The following USP46 variants were observed in gnomAD, a reference collection of about 807,000 sequenced individuals.
USP46 encodes the protein ubiquitin carboxyl-terminal hydrolase 46.
In USP46, 12 loss-of-function variants were observed where a neutral mutation model predicts 44.4. The observed-to-expected ratio is 0.27, with a 90% CI of 0.17 to 0.44. The LOEUF (loss-of-function observed/expected upper bound fraction) is 0.44, where lower values mean the gene tolerates loss of function less well. Ranked by LOEUF, USP46 falls within the 20% of genes least tolerant of loss-of-function variation. The probability of loss-of-function intolerance (pLI) is 1.00; values close to 1 mark genes in which losing one functional copy is unlikely to be tolerated. For missense variants in USP46, 248 were observed against 444.8 expected, an observed-to-expected ratio of 0.56 and a Z score of 3.98; for synonymous variants, 155 against 161.5, an observed-to-expected ratio of 0.96 and a Z score of 0.31.
chr4:52,605,495 G>C (rs1716651853), intron 5 of USP46, among the ~76,000 whole-genome samples: 1 of 152,164 alleles, frequency 6.6e-6, no homozygotes, highest in Admixed American at 6.5e-5. Flanking sequence ...ATAATGACCA[G>C]ATTTTATTAA....
Position 52,592,653 on chromosome 4 carries a change from A to C in USP46, c.*4987T>G. 1 of 361,348 alleles carries C rather than the reference A, an allele frequency of 2.8e-6. No individual in the cohort carries two copies. Among genetic ancestry groups the C allele is most frequent in the Middle Eastern group, 7.2e-4 (1 of 1,394 alleles). 22.4% of individuals were successfully genotyped at this position (361,348 alleles called of 1,614,324 possible). A position where few individuals can be genotyped will look rare whatever the true frequency, so the allele number is the denominator to read the frequency against. Reference sequence around the variant, plus strand: ...CAGGAGTTCCAGACCAGCTTGGCCAATATGAGAAAACTTTGTATCTACTGA... The same window carrying C: ...CAGGAGTTCCAGACCAGCTTGGCCACTATGAGAAAACTTTGTATCTACTGA... On this transcript the variant is annotated 3_prime_UTR_variant, in exon 9 of 9. Transcript: ENST00000441222.
At chr4:52,611,683 T>C (rs1271256738) in intron 4 of USP46, among the ~76,000 whole-genome samples, 1 of 152,040 alleles carries the variant, frequency 6.6e-6, no homozygotes, top group Non-Finnish European at 1.5e-5. Flanking sequence ...GGTCAGGAGT[T>C]CAAGACCAGC....
At chr4:52,640,287 C>T (rs748117863) in intron 1 of USP46, among the ~76,000 whole-genome samples, 8 of 152,032 alleles carry the variant, frequency 5.3e-5, no homozygotes, top group Non-Finnish European at 8.8e-5. Flanking sequence ...CTGAGCCCTG[C>T]GACGTGCCTG....
At position 52,597,593 on chromosome 4, in the gene USP46, T is replaced by C. The variant is rs149210559; in HGVS notation, c.*47A>G. ...AGCCTGCGGAGAAGCCGGGTGACAGTGCTGTGAACATTCTCCCCACGTGAA... is the reference window on the plus strand; with the variant it reads ...AGCCTGCGGAGAAGCCGGGTGACAGCGCTGTGAACATTCTCCCCACGTGAA... On this transcript the variant is annotated 3_prime_UTR_variant, in exon 9 of 9. Coordinates refer to ENST00000441222, the MANE Select transcript of USP46 (RefSeq NM_022832.4). 1.9e-3 allele frequency: 2,521 copies of C among 1,343,120 alleles called. 37 individuals are homozygous for C. The African/African-American group carries it at 0.032, about 17-fold the overall frequency. 83.2% of individuals were successfully genotyped at this position (1,343,120 alleles called of 1,614,324 possible). A position where few individuals can be genotyped will look rare whatever the true frequency, so the allele number is the denominator to read the frequency against.
chr4:52,607,558 T>C (rs984345320), intron 5 of USP46, among the ~76,000 whole-genome samples: 1 of 152,200 alleles, frequency 6.6e-6, no homozygotes. Flanking sequence ...GGGCTTGATA[T>C]AGTTTGGATC....
intron 4 of USP46, among the ~76,000 whole-genome samples, chr4:52,615,353 G>A (rs992787654): frequency 6.6e-6 from 1 of 152,060 alleles, no homozygotes; most frequent in Admixed American, 6.6e-5. Context: ...CATACTATGC[G>A]AAGAGTTAGC....
At chr4:52,657,406 C>T (rs1359242929) in intron 1 of USP46, among the ~76,000 whole-genome samples, 1 of 152,102 alleles carries the variant, frequency 6.6e-6, no homozygotes, top group East Asian at 1.9e-4. Context: ...GGGCTGGCTT[C>T]CTCTAGGGGC....
intron 2 of USP46, 84 bp from the exon 3 acceptor site, chr4:52,628,247 C>G: frequency 7.2e-7 from 1 of 1,397,272 alleles, no homozygotes; most frequent in South Asian, 1.3e-5. Flanking sequence ...GAGAAGGTCC[C>G]TGCTCCGTGA....
chr4:52,600,538 G>T (rs73248660), intron 7 of USP46, among the ~76,000 whole-genome samples: 11,002 of 152,160 alleles, frequency 0.072, 528 homozygotes, highest in Non-Finnish European at 0.11. Context: ...TCACATTACA[G>T]AAACTGACCT....
intron 4 of USP46, among the ~76,000 whole-genome samples, chr4:52,622,409 T>C (rs1347457271): frequency 1.3e-5 from 2 of 152,222 alleles, no homozygotes; most frequent in African/African-American, 4.8e-5. Flanking sequence ...TTACTATAAA[T>C]CATTCCTCAA....
At position 52,604,585 on chromosome 4, in the gene USP46, C is replaced by T; in HGVS notation, c.639-1G>A. The stretch of plus-strand genomic sequence containing the variant: ...CAGTGTTTCTGTGTTGCTGAAGTCT[C>T]TGTAGAGGAAAATATTTCCATCTTT... On this transcript the variant is annotated splice_acceptor_variant, in intron 5 of 8. Transcript: ENST00000441222. LOFTEE classifies it high-confidence loss of function. 6.3e-7 allele frequency: 1 copy of T among 1,589,492 alleles called. No individual in the cohort carries two copies. The highest frequency in any genetic ancestry group is 8.6e-7 in the Non-Finnish European group (1 of 1,169,056).
rs1054347221 is a variant in USP46, at chr4:52,591,792, G to A, written c.*5848C>T. ...AATCGCTTATGCCCTATCTTATTTT[G>A]GTAAGTCTAGATAGGCTCTAATTAT... On this transcript the variant is annotated 3_prime_UTR_variant, in exon 9 of 9. Transcript: ENST00000441222. 6.6e-6 allele frequency: 1 copy of A among 152,048 alleles called. No homozygotes were observed. The highest frequency in any genetic ancestry group is 1.5e-5 in the Non-Finnish European group (1 of 68,014). 9.4% of individuals were successfully genotyped at this position (152,048 alleles called of 1,614,324 possible).
chr4:52,637,688 C>A (rs1718168470), intron 1 of USP46, among the ~76,000 whole-genome samples: 1 of 152,122 alleles, frequency 6.6e-6, no homozygotes, highest in East Asian at 1.9e-4. Context: ...GAATTACAAC[C>A]ACATCCTGAA....
intron 4 of USP46, among the ~76,000 whole-genome samples, chr4:52,619,629 A>G (rs1279249043): frequency 1.3e-5 from 2 of 152,238 alleles, no homozygotes; most frequent in Non-Finnish European, 2.9e-5. Context: ...TCAACACTTT[A>G]TAGTAACAGA....
chr4:52,618,776 G>A lies in USP46; in HGVS notation c.561+7242C>T, dbSNP rs1009136252. 5.3e-5 allele frequency among the ~76,000 whole-genome samples: 8 copies of A among 152,138 alleles called. No homozygotes were observed. The South Asian group carries it at 6.2e-4, about 12-fold the overall frequency. On this transcript the variant is annotated intron_variant, in intron 4 of 8. Coordinates refer to ENST00000441222, the MANE Select transcript of USP46 (RefSeq NM_022832.4). ...ATCTCTGGAACTCAGAATCTCCACT[G>A]AGTATCACACCTCCCTCCATTACCC...
intron 5 of USP46, among the ~76,000 whole-genome samples, chr4:52,608,073 A>AGGAAGGAAGGAG (rs1197401310): frequency 6.6e-6 from 1 of 152,210 alleles, no homozygotes; most frequent in Non-Finnish European, 1.5e-5. Context: ...GTTCTCAGGA[A>AGGAAGGAAGGAG]GGAAGGAAGG....
chr4:52,633,654 T>C (rs1298078063), intron 1 of USP46, among the ~76,000 whole-genome samples: 1 of 152,214 alleles, frequency 6.6e-6, no homozygotes, highest in African/African-American at 2.4e-5. Context: ...TGGAGAGAGA[T>C]ACCATTAAAT....
intron 1 of USP46, among the ~76,000 whole-genome samples, chr4:52,658,500 C>T (rs1719042775): frequency 6.6e-6 from 1 of 152,210 alleles, no homozygotes; most frequent in Non-Finnish European, 1.5e-5. Flanking sequence ...GCCACAGAGC[C>T]TTGTCCCTTT....
intron 1 of USP46, among the ~76,000 whole-genome samples, chr4:52,631,953 C>A (rs561383648): frequency 2.6e-4 from 39 of 151,542 alleles, no homozygotes; most frequent in African/African-American, 9.2e-4. Flanking sequence ...TTGCAGTGAG[C>A]CAAGATTGTG....
Sources: allele counts gnomAD v4.1 joint callset (sites outside exome capture counted in the v4.1 genomes callset), GRCh38; gene constraint gnomAD v4.1.1; transcripts MANE v1.5; gene names NCBI Gene and HGNC (gene_info 2026-07-23, HGNC 2026-07-21).